The following TPRG1 variants were observed in gnomAD, a reference collection of about 807,000 sequenced individuals.
TPRG1 encodes tumor protein p63 regulated 1, also known as tumor protein p63-regulated gene 1 protein.
A neutral mutation model predicts 29.3 loss-of-function variants in TPRG1; 29 were observed. That is an observed-to-expected ratio of 0.99 (90% CI 0.74 to 1.35). The LOEUF (loss-of-function observed/expected upper bound fraction) is 1.35. Among genes scored for constraint, TPRG1 ranks in the 40% most tolerant of loss-of-function variants. TPRG1 has a pLI of 0.00. For missense variants in TPRG1, 327 were observed against 335.0 expected (o/e 0.98, Z 0.19); for synonymous variants, 130 against 116.8 (o/e 1.11, Z -0.73).
chr3:189,154,682 A>C (rs1726420828), intron 5 of TPRG1, among the ~76,000 whole-genome samples: 1 of 152,112 alleles, frequency 6.6e-6, no homozygotes, highest in African/African-American at 2.4e-5. Context: ...ACCTCAGGTG[A>C]TCCACCCGCC....
intron 4 of TPRG1, among the ~76,000 whole-genome samples, chr3:189,148,916 T>C (rs1260841723): frequency 6.6e-6 from 1 of 152,208 alleles, no homozygotes; most frequent in Non-Finnish European, 1.5e-5. Context: ...TCCTGGAACA[T>C]GCGGATGCCT....
intron 4 of TPRG1, among the ~76,000 whole-genome samples, chr3:189,084,615 G>T (rs544923002): frequency 6.6e-6 from 1 of 152,254 alleles, no homozygotes; most frequent in East Asian, 1.9e-4. Context: ...TCAGAATCTA[G>T]AGAAAGCTAT....
chr3:189,213,836 C>G (rs1426479353), intron 2 of TPRG1, among the ~76,000 whole-genome samples: 1 of 152,038 alleles, frequency 6.6e-6, no homozygotes, highest in Non-Finnish European at 1.5e-5. Context: ...TAAAAATCTT[C>G]CCATATTAAC....
intron 1 of TPRG1, among the ~76,000 whole-genome samples, chr3:189,203,048 G>C (rs572206273): frequency 6.6e-6 from 1 of 152,144 alleles, no homozygotes; most frequent in Non-Finnish European, 1.5e-5. Context: ...CTCATTTCAG[G>C]GGGTCTGTTT....
At chr3:189,123,338 C>A (rs1234774991) in intron 1 of TPRG1, among the ~76,000 whole-genome samples, 1 of 152,114 alleles carries the variant, frequency 6.6e-6, no homozygotes, top group Non-Finnish European at 1.5e-5. Context: ...ATAATAATAG[C>A]TGAATATTGG....
At chr3:189,101,138 T>C (rs1404001160) in intron 1 of TPRG1, among the ~76,000 whole-genome samples, 1 of 152,166 alleles carries the variant, frequency 6.6e-6, no homozygotes, top group Non-Finnish European at 1.5e-5. Context: ...TTCCCTCCTG[T>C]GTCCTCCCCC....
chr3:189,238,724 T>G lies in TPRG1; in HGVS notation c.303-9T>G, dbSNP rs771703423. 4 of 1,587,236 alleles carry G rather than the reference T, an allele frequency of 2.5e-6. No individual in the cohort carries two copies. Among genetic ancestry groups the G allele is most frequent in the Non-Finnish European group, 3.4e-6 (4 of 1,163,470 alleles). ...CATCAATTTTTATTTGCTATGATGA[T>G]TCCTATAGGATAGACCACTGGAACA... is the stretch of plus-strand genomic sequence containing the variant. On this transcript the variant is annotated splice_polypyrimidine_tract_variant and intron_variant, in intron 3 of 5. Coordinates refer to ENST00000345063, the MANE Select transcript of TPRG1 (RefSeq NM_198485.4).
At chr3:189,072,504 G>A (rs2152156308) in intron 4 of TPRG1, among the ~76,000 whole-genome samples, 1 of 152,114 alleles carries the variant, frequency 6.6e-6, no homozygotes, top group East Asian at 1.9e-4. Flanking sequence ...TATGGCTAGT[G>A]TACTCCACAG....
chr3:189,258,080 A>C (rs1712233116), intron 4 of TPRG1, among the ~76,000 whole-genome samples: 1 of 152,132 alleles, frequency 6.6e-6, no homozygotes, highest in African/African-American at 2.4e-5. Flanking sequence ...GAGAAGAGGC[A>C]TTCTGGTTTT....
At chr3:189,171,638 C>T (rs1728821394), upstream of TPRG1, among the ~76,000 whole-genome samples, 1 of 152,128 alleles carries the variant, frequency 6.6e-6, no homozygotes, top group African/African-American at 2.4e-5. Flanking sequence ...TCACAAATAT[C>T]CAATAAATCA....
chr3:189,226,990 A>C (rs1020773314), intron 3 of TPRG1, among the ~76,000 whole-genome samples: 8 of 151,866 alleles, frequency 5.3e-5, no homozygotes, highest in African/African-American at 1.9e-4. Context: ...AAAACACACA[A>C]ACTATTGCTA....
intron 2 of TPRG1, among the ~76,000 whole-genome samples, chr3:189,129,107 T>TTTA (rs1408540897): frequency 6.6e-6 from 1 of 152,186 alleles, no homozygotes; most frequent in African/African-American, 2.4e-5. Flanking sequence ...AAGTATGGAC[T>TTTA]TTATACATAT....
intron 4 of TPRG1, among the ~76,000 whole-genome samples, chr3:189,044,639 C>T (rs1037200145): frequency 5.3e-5 from 8 of 151,188 alleles, no homozygotes; most frequent in East Asian, 3.9e-4. Context: ...AAAGAGGATA[C>T]GAAGGTTAAG....
At chr3:189,161,353 C>T (rs899528431) in intron 5 of TPRG1, among the ~76,000 whole-genome samples, 23 of 152,172 alleles carry the variant, frequency 1.5e-4, no homozygotes, top group African/African-American at 5.6e-4. Context: ...ACTTGTTTCT[C>T]CTCAGTTTCT....
At chr3:189,216,539 A>G (rs964765135) in intron 3 of TPRG1, among the ~76,000 whole-genome samples, 2 of 152,206 alleles carry the variant, frequency 1.3e-5, no homozygotes, top group African/African-American at 4.8e-5. Flanking sequence ...TAAAATGGAG[A>G]TAATAGTATG....
chr3:189,017,897 T>C (rs975095563), intron 3 of TPRG1, among the ~76,000 whole-genome samples: 4 of 151,528 alleles, frequency 2.6e-5, no homozygotes, highest in African/African-American at 9.7e-5. Flanking sequence ...ACCTGTTGTT[T>C]CCTGACTTTT....
chr3:189,235,235 C>G (rs1394506319), intron 3 of TPRG1, among the ~76,000 whole-genome samples: 4 of 54,806 alleles, frequency 7.3e-5, no homozygotes, highest in Admixed American at 6.5e-4. Context: ...TTTTTTTTTT[C>G]CAAAGGATCC....
chr3:189,014,764 A>T (rs1712832572), intron 3 of TPRG1, among the ~76,000 whole-genome samples: 1 of 152,062 alleles, frequency 6.6e-6, no homozygotes, highest in African/African-American at 2.4e-5. Context: ...TTTGCCTTCC[A>T]CTATGATTGT....
At chr3:189,281,840 C>A (rs1717184895) in intron 4 of TPRG1, among the ~76,000 whole-genome samples, 1 of 152,082 alleles carries the variant, frequency 6.6e-6, no homozygotes, top group Non-Finnish European at 1.5e-5. Flanking sequence ...AACCAGCTCC[C>A]AGAAAAGACC....
Sources: allele counts gnomAD v4.1 joint callset (sites outside exome capture counted in the v4.1 genomes callset), GRCh38; gene constraint gnomAD v4.1.1; transcripts MANE v1.5; gene names NCBI Gene and HGNC (gene_info 2026-07-23, HGNC 2026-07-21).